NAA35: variants seen among roughly 807,000 people sequenced by gnomAD.
NAA35 encodes MAK10 homolog, amino-acid N-acetyltransferase subunit.
Under a neutral mutation model 101.7 loss-of-function variants are expected in NAA35, and 18 were observed. That is an observed-to-expected ratio of 0.18 (90% confidence interval 0.12 to 0.26). The LOEUF (loss-of-function observed/expected upper bound fraction) is 0.26, where lower values mean the gene tolerates loss of function less well. NAA35 is among the 10% of genes least tolerant of loss of function. The probability of loss-of-function intolerance (pLI) is 1.00; values close to 1 mark genes in which losing one functional copy is unlikely to be tolerated. For synonymous variants in NAA35, 267 were observed against 273.1 expected, an observed-to-expected ratio of 0.98 and a Z score of 0.22; for missense variants, 601 against 886.8, an observed-to-expected ratio of 0.68 and a Z score of 4.09.
Position 85,955,148 on chromosome 9 carries a change from C to T in NAA35, c.125-1212C>T, listed in dbSNP as rs568240569. 7.9e-5 allele frequency among the ~76,000 whole-genome samples: 12 copies of T among 151,364 alleles called. No individual in the cohort carries two copies. The East Asian group carries it at 2.4e-3, about 30-fold the overall frequency. The stretch of plus-strand genomic sequence containing the variant: ...GCCGTGCTGGTCTCAAACTCCAGAC[C>T]TCAGGTGATCCACTAACTTCAGCCT... On this transcript the variant is annotated intron_variant, in intron 2 of 22. Transcript: ENST00000361671.
intron 12 of NAA35, among the ~76,000 whole-genome samples, chr9:85,997,207 C>T (rs1831200595): frequency 6.6e-6 from 1 of 151,966 alleles, no homozygotes; most frequent in South Asian, 2.1e-4. Context: ...AGCAGTCCTC[C>T]TACTTCTGCC....
intron 14 of NAA35, 31 bp downstream of exon 14, chr9:86,007,495 T>C: frequency 6.4e-7 from 1 of 1,553,722 alleles, no homozygotes; most frequent in Non-Finnish European, 8.9e-7. Context: ...TAGAGTTGTA[T>C]GTATGTGCTC....
chr9:85,942,668 A>G (rs1475075090), intron 2 of NAA35, among the ~76,000 whole-genome samples: 2 of 152,186 alleles, frequency 1.3e-5, no homozygotes, highest in African/African-American at 4.8e-5. Context: ...CAGGTAGAAT[A>G]AAATCCACCC....
intron 6 of NAA35, among the ~76,000 whole-genome samples, chr9:85,967,075 C>T (rs1454215014): frequency 2.6e-5 from 4 of 152,098 alleles, no homozygotes; most frequent in Non-Finnish European, 5.9e-5. Flanking sequence ...GGAGGCGGAG[C>T]TTGCAGTGAG....
intron 2 of NAA35, among the ~76,000 whole-genome samples, chr9:85,954,801 G>A (rs959447975): frequency 1.3e-5 from 2 of 152,148 alleles, no homozygotes; most frequent in African/African-American, 4.8e-5. Flanking sequence ...AAAAGACAAC[G>A]AATGTTTTGG....
intron 1 of NAA35, chr9:85,941,576 G>A: frequency 1.0e-6 from 1 of 986,016 alleles, no homozygotes; most frequent in Non-Finnish European, 1.2e-6. Context: ...GACCCGGGCA[G>A]GGCGGAAGGG....
intron 3 of NAA35, among the ~76,000 whole-genome samples, chr9:85,957,607 G>C (rs928275294): frequency 1.3e-5 from 2 of 152,090 alleles, no homozygotes; most frequent in East Asian, 3.9e-4. Flanking sequence ...GAATTTTGGT[G>C]GAGGCAAACC....
At position 86,013,155 on chromosome 9, in the gene NAA35, G is replaced by T; in HGVS notation, c.1389+11G>T. ...ACCTTGCAGGATGAGGTAAGAGCCA[G>T]GTTCCCCTCTCTTCTAAAATTAAAT... On this transcript the variant is annotated intron_variant, in intron 16 of 22. Coordinates refer to ENST00000361671, the MANE Select transcript of NAA35 (RefSeq NM_024635.4). The T allele has an allele frequency of 6.5e-7, 1 of 1,538,040 alleles. No homozygotes were observed. Among genetic ancestry groups the T allele is most frequent in the Non-Finnish European group, 8.9e-7 (1 of 1,121,206 alleles).
chr9:86,018,002 G>A (rs756027274), intron 19 of NAA35, among the ~76,000 whole-genome samples: 2 of 152,200 alleles, frequency 1.3e-5, no homozygotes, highest in Non-Finnish European at 2.9e-5. Context: ...AAGGCAGTGG[G>A]TACTAACTCT....
rs1020484858 is a variant in NAA35, at chr9:86,003,333, A to G, written c.1057-252A>G. ...ATTGGTATTATTTTTATGGTATACA[A>G]ATTTAATATTGGTATCCACACAATT... On this transcript the variant is annotated intron_variant, in intron 12 of 22. Transcript: ENST00000361671. 2.6e-5 allele frequency among the ~76,000 whole-genome samples: 4 copies of G among 152,194 alleles called. No individual in the cohort carries two copies. The East Asian group carries it at 5.8e-4, about 22-fold the overall frequency.
intron 6 of NAA35, among the ~76,000 whole-genome samples, chr9:85,965,690 T>A (rs190670976): frequency 1.3e-5 from 2 of 151,758 alleles, no homozygotes; most frequent in South Asian, 4.2e-4. Context: ...GGAAAAAAAA[T>A]GAGATTGATT....
intron 2 of NAA35, 83 bp from the exon 3 acceptor site, chr9:85,956,277 T>C: frequency 1.3e-6 from 1 of 792,098 alleles, no homozygotes; most frequent in Non-Finnish European, 1.9e-6. Context: ...AGCACATCTT[T>C]TCAGGTGCTA....
chr9:85,959,757 T>C, intron 4 of NAA35, 36 bp from the exon 5 acceptor site: 5 of 1,499,974 alleles, frequency 3.3e-6, no homozygotes, highest in Non-Finnish European at 4.6e-6. Context: ...TTTAAAAAAA[T>C]TTCTGCTTAT....
intron 2 of NAA35, among the ~76,000 whole-genome samples, chr9:85,943,858 G>A (rs572556311): frequency 3.3e-5 from 5 of 152,326 alleles, no homozygotes; most frequent in Admixed American, 2.0e-4. Context: ...AGTTATTCTA[G>A]ACTGAGATGA....
Position 85,968,146 on chromosome 9 carries a change from G to C in NAA35, c.516+5966G>C, listed in dbSNP as rs376540620. On this transcript the variant is annotated intron_variant, in intron 6 of 22. Transcript: ENST00000361671. ...GCTTTAGTTCGTCAACCTTAGGTTT[G>C]GCTTCCTTGGAGTTTCTGAACTCTT... Among the ~76,000 whole-genome samples the C allele has an allele frequency of 1.2e-3, 190 of 152,122 alleles. 4 individuals are homozygous for C. In the South Asian group the frequency reaches 0.033, roughly 27 times the overall value.
At position 86,007,387 on chromosome 9, in the gene NAA35, C is replaced by A; in HGVS notation, c.1146C>A (p.Val382=). ...QTTFLVDNKK[V]FGTHLMQDMV... ...CTTTCCTGGTGGATAACAAAAAGGT[C>A]TTTGGAACTCATCTCATGCAAGACA... Residue 382 remains valine, a synonymous_variant, in exon 14 of 23, where the codon GTC becomes GTA. Coordinates refer to ENST00000361671, the MANE Select transcript of NAA35 (RefSeq NM_024635.4). 6.2e-7 allele frequency: 1 copy of A among 1,613,688 alleles called. No homozygotes were observed. Among genetic ancestry groups the A allele is most frequent in the Non-Finnish European group, 8.5e-7 (1 of 1,179,718 alleles).
chr9:85,999,987 T>C (rs1831346100), intron 12 of NAA35, among the ~76,000 whole-genome samples: 1 of 152,182 alleles, frequency 6.6e-6, no homozygotes, highest in Non-Finnish European at 1.5e-5. Context: ...TAAAAAAATT[T>C]TACATTTGAG....
chr9:85,970,512 A>G (rs1321607783), intron 6 of NAA35, among the ~76,000 whole-genome samples: 14 of 152,194 alleles, frequency 9.2e-5, no homozygotes, highest in Admixed American at 6.5e-5. Flanking sequence ...TACCATTAGT[A>G]ATTGGACAGA....
chr9:86,012,264 G>T (rs1328007723), intron 15 of NAA35, among the ~76,000 whole-genome samples: 1 of 151,456 alleles, frequency 6.6e-6, no homozygotes, highest in African/African-American at 2.4e-5. Flanking sequence ...GATTACAGGC[G>T]CCTGCCACCA....
Sources: allele counts gnomAD v4.1 joint callset (sites outside exome capture counted in the v4.1 genomes callset), GRCh38; gene constraint gnomAD v4.1.1; transcripts MANE v1.5; gene names NCBI Gene and HGNC (gene_info 2026-07-23, HGNC 2026-07-21).